The following DNAH14 variants were observed in gnomAD, a reference collection of about 807,000 sequenced individuals.
DNAH14 encodes the protein axonemal beta dynein heavy chain 14.
DNAH14 carries 478 observed loss-of-function variants against 520.9 expected under a neutral mutation model. That is an observed-to-expected ratio of 0.92 (90% CI 0.85 to 0.99). DNAH14 has a LOEUF of 0.99. Among genes scored for constraint, DNAH14 ranks in the 50% least tolerant of loss-of-function variants. The probability of loss-of-function intolerance (pLI) is 0.00; values close to 1 mark genes in which losing one functional copy is unlikely to be tolerated. For missense variants in DNAH14, 4,831 were observed against 5,234.5 expected (o/e 0.92, Z 2.38); for synonymous variants, 1,581 against 1,757.2 (o/e 0.90, Z 2.51).
intron 21 of DNAH14, among the ~76,000 whole-genome samples, chr1:225,086,223 C>T (rs1366303574): frequency 6.6e-6 from 1 of 151,868 alleles, no homozygotes; most frequent in Non-Finnish European, 1.5e-5. Context: ...AGCTCCGCCT[C>T]CTGGGTTCAC....
At chr1:225,097,543 G>A (rs1415845297) in intron 22 of DNAH14, among the ~76,000 whole-genome samples, 2 of 152,150 alleles carry the variant, frequency 1.3e-5, no homozygotes, top group Admixed American at 6.5e-5. Flanking sequence ...GGAGGCTGAG[G>A]CAGGTGGATC....
chr1:225,001,565 AT>A (rs35406344), intron 8 of DNAH14, among the ~76,000 whole-genome samples: 2 of 152,010 alleles, frequency 1.3e-5, no homozygotes, highest in African/African-American at 2.4e-5. Flanking sequence ...ACAGCTATAA[AT>A]TTTTTCATGT....
chr1:225,009,067 A>T (rs2064455838), intron 10 of DNAH14, among the ~76,000 whole-genome samples: 1 of 151,916 alleles, frequency 6.6e-6, no homozygotes, highest in African/African-American at 2.4e-5. Flanking sequence ...TTGCATGTTC[A>T]CTCTGATGGT....
chr1:225,208,387 G>T (rs896016030), intron 41 of DNAH14, among the ~76,000 whole-genome samples: 2 of 152,140 alleles, frequency 1.3e-5, no homozygotes, highest in East Asian at 3.9e-4. Context: ...TTGGTTAGCT[G>T]TATAACAGAT....
intron 1 of DNAH14, among the ~76,000 whole-genome samples, chr1:224,944,149 T>C (rs944395542): frequency 1.3e-5 from 2 of 152,190 alleles, no homozygotes; most frequent in African/African-American, 2.4e-5. Context: ...TGTAGGTCTC[T>C]AAGGACTTGC....
At chr1:225,004,755 T>C (rs1470054831) in intron 9 of DNAH14, among the ~76,000 whole-genome samples, 3 of 152,168 alleles carry the variant, frequency 2.0e-5, no homozygotes, top group Non-Finnish European at 4.4e-5. Context: ...TGGCCAGTTG[T>C]GCATTAGAAT....
chr1:225,134,990 T>C (rs960759728), intron 27 of DNAH14, among the ~76,000 whole-genome samples: 20 of 151,774 alleles, frequency 1.3e-4, no homozygotes, highest in Admixed American at 5.3e-4. Flanking sequence ...ATTTCTTGTT[T>C]GTATTTCTGT....
chr1:225,204,125 T>C (rs1048170810), intron 38 of DNAH14, 58 bp from the exon 39 acceptor site: 7 of 865,552 alleles, frequency 8.1e-6, no homozygotes, highest in Non-Finnish European at 1.2e-5. Flanking sequence ...ATATAATCCA[T>C]TGTAGTTGAA....
chr1:225,272,932 C>T (rs1009202245), intron 51 of DNAH14, 23 bp from the exon 52 acceptor site: 13 of 1,499,046 alleles, frequency 8.7e-6, no homozygotes, highest in Non-Finnish European at 1.2e-5. Flanking sequence ...TTTAAAAAAA[C>T]GTTATTTTTA....
chr1:225,216,347 C>A (rs1203671200), intron 41 of DNAH14, among the ~76,000 whole-genome samples: 1 of 152,206 alleles, frequency 6.6e-6, no homozygotes, highest in Admixed American at 6.5e-5. Flanking sequence ...TTCATTTCAA[C>A]TTTGGTGAAT....
chr1:225,118,018 A>C lies in DNAH14; in HGVS notation c.4091+19A>C. 6.7e-7 allele frequency: 1 copy of C among 1,483,548 alleles called. No homozygotes were observed. 91.9% of individuals were successfully genotyped at this position (1,483,548 alleles called of 1,614,324 possible). Reference sequence around the variant, plus strand: ...TGCCAAAGTATGATAAATGTTACAAACTGTTTAGATTCTGTACAACGTCAT... The same window carrying C: ...TGCCAAAGTATGATAAATGTTACAACCTGTTTAGATTCTGTACAACGTCAT... On this transcript the variant is annotated intron_variant, in intron 25 of 85. Transcript: ENST00000682510.
intron 23 of DNAH14, among the ~76,000 whole-genome samples, chr1:225,115,835 C>A (rs2076833198): frequency 3.3e-5 from 5 of 152,124 alleles, no homozygotes; most frequent in Admixed American, 3.3e-4. Context: ...TGTGTTGGTA[C>A]TACAAAGATA....
At chr1:224,955,917 T>C (rs926323240) in intron 3 of DNAH14, among the ~76,000 whole-genome samples, 2 of 152,114 alleles carry the variant, frequency 1.3e-5, no homozygotes, top group Non-Finnish European at 2.9e-5. Flanking sequence ...CTTCCTTACC[T>C]CTAATTCATT....
intron 11 of DNAH14, among the ~76,000 whole-genome samples, chr1:225,029,167 A>G (rs1255277287): frequency 1.3e-5 from 2 of 152,026 alleles, no homozygotes; most frequent in Admixed American, 6.6e-5. Flanking sequence ...AGGAAGCCAG[A>G]CTCAAAACAC....
intron 1 of DNAH14, among the ~76,000 whole-genome samples, chr1:224,946,017 G>A (rs1168340143): frequency 6.6e-6 from 1 of 152,266 alleles, no homozygotes; most frequent in African/African-American, 2.4e-5. Context: ...CTTCAAAGCT[G>A]TCAGACAGGG....
At chr1:225,212,160 G>A (rs2149456670) in intron 41 of DNAH14, among the ~76,000 whole-genome samples, 1 of 149,332 alleles carries the variant, frequency 6.7e-6, no homozygotes, top group African/African-American at 2.5e-5. Flanking sequence ...GTGGTGTCTG[G>A]TTTTCTGTCC....
chr1:224,974,120 T>G lies in DNAH14; in HGVS notation c.797T>G (p.Leu266Trp), dbSNP rs2061661949. ...AATAAAGCATTTGTTACCTGGAAATTGAATGTTAAAAGAATTAAGACAGAG... is the reference window on the plus strand; with the variant it reads ...AATAAAGCATTTGTTACCTGGAAATGGAATGTTAAAAGAATTAAGACAGAG... Reference protein sequence around the residue: ...RMNKAFVTWKLNVKRIKTEKS... With the variant: ...RMNKAFVTWKWNVKRIKTEKS... The change falls in exon 8 of 86, where the codon TTG becomes TGG. Residue 266 changes from leucine to tryptophan, a missense_variant. Leu to Trp is a moderately conservative substitution (Grantham distance 61, BLOSUM62 -2). Transcript: ENST00000682510. 2 of 1,506,212 alleles carry G rather than the reference T, an allele frequency of 1.3e-6. No homozygotes were observed. The highest frequency in any genetic ancestry group is 1.4e-5 in the African/African-American group (1 of 71,838). The allele number at this position is 1,506,212 out of a possible 1,614,324, so 93.3% of individuals were successfully genotyped here.
At chr1:225,023,989 T>C (rs1317616859) in intron 11 of DNAH14, 124 bp downstream of exon 11, 7 of 1,410,234 alleles carry the variant, frequency 5.0e-6, no homozygotes, top group Admixed American at 6.2e-5. Context: ...GCAGAGTACA[T>C]GTACTCATTT....
chr1:225,294,868 G>T (rs541583230), intron 55 of DNAH14, among the ~76,000 whole-genome samples: 1 of 151,894 alleles, frequency 6.6e-6, no homozygotes, highest in East Asian at 1.9e-4. Flanking sequence ...AGGCCATCCA[G>T]TAGTGGATTT....
Sources: allele counts gnomAD v4.1 joint callset (sites outside exome capture counted in the v4.1 genomes callset), GRCh38; gene constraint gnomAD v4.1.1; transcripts MANE v1.5; gene names NCBI Gene and HGNC (gene_info 2026-07-23, HGNC 2026-07-21).